EXOC2: variants seen among roughly 807,000 people sequenced by gnomAD.
The protein encoded by EXOC2 is exocyst complex component 2.
A neutral mutation model predicts 131.8 loss-of-function variants in EXOC2; 70 were observed. The observed-to-expected ratio is 0.53, with a 90% CI of 0.44 to 0.65. The LOEUF is 0.65. EXOC2 is among the 30% of genes least tolerant of loss of function. The pLI is 0.00. For synonymous variants in EXOC2, 411 were observed against 398.4 expected (o/e 1.03, Z -0.38); for missense variants, 923 against 1,108.6 (o/e 0.83, Z 2.38).
chr6:653,029 A>G (rs1424339424), intron 1 of EXOC2, among the ~76,000 whole-genome samples: 1 of 152,200 alleles, frequency 6.6e-6, no homozygotes, highest in Non-Finnish European at 1.5e-5. Context: ...CTTTGATGAT[A>G]CTATTGTAAC....
chr6:672,576 G>C (rs1029718265), intron 1 of EXOC2, among the ~76,000 whole-genome samples: 2 of 152,234 alleles, frequency 1.3e-5, no homozygotes, highest in Non-Finnish European at 2.9e-5. Flanking sequence ...TCTGCACTAA[G>C]AAGTTGGGAT....
chr6:671,174 T>C (rs1434710462), intron 1 of EXOC2, among the ~76,000 whole-genome samples: 1 of 150,684 alleles, frequency 6.6e-6, no homozygotes, highest in Non-Finnish European at 1.5e-5. Context: ...CTGGCCAACA[T>C]GGCAAAATCC....
chr6:553,063 A>G (rs909128618), intron 21 of EXOC2, among the ~76,000 whole-genome samples: 4 of 152,090 alleles, frequency 2.6e-5, no homozygotes, highest in Admixed American at 6.6e-5. Context: ...GATTACAGGC[A>G]CCCGACACCA....
chr6:619,576 A>T (rs1383594626), intron 4 of EXOC2, 33 bp from the exon 5 acceptor site: 3 of 1,483,354 alleles, frequency 2.0e-6, no homozygotes, highest in East Asian at 2.3e-5. Flanking sequence ...ATATATTTCA[A>T]TGGTTATTAT....
chr6:643,609 TA>T (rs200066922), intron 1 of EXOC2, among the ~76,000 whole-genome samples: 1,727 of 151,268 alleles, frequency 0.011, 32 homozygotes, highest in African/African-American at 0.04. Flanking sequence ...TTCCACCTTT[TA>T]AAAAAAAAAC....
At chr6:673,689 C>T (rs1763980265) in intron 1 of EXOC2, among the ~76,000 whole-genome samples, 1 of 152,162 alleles carries the variant, frequency 6.6e-6, no homozygotes, top group African/African-American at 2.4e-5. Flanking sequence ...CACTTCAAAA[C>T]TCAAAAAATA....
chr6:599,370 T>C (rs1053252506), intron 7 of EXOC2, 145 bp from the exon 8 acceptor site: 5 of 740,068 alleles, frequency 6.8e-6, no homozygotes, highest in Non-Finnish European at 8.0e-6. Context: ...GGGGATCTTT[T>C]ATGGTTTGCT....
intron 1 of EXOC2, among the ~76,000 whole-genome samples, chr6:662,438 A>G (rs1390691048): frequency 2.0e-5 from 3 of 152,240 alleles, no homozygotes; most frequent in African/African-American, 7.2e-5. Flanking sequence ...AAGAAAATTG[A>G]AATTATATCA....
intron 6 of EXOC2, among the ~76,000 whole-genome samples, chr6:613,281 G>T (rs1760807261): frequency 6.6e-6 from 1 of 152,092 alleles, no homozygotes; most frequent in Non-Finnish European, 1.5e-5. Flanking sequence ...AATACCTGTG[G>T]GGACACACAG....
Position 569,703 on chromosome 6 carries a change from C to T in EXOC2, c.1443+2817G>A, listed in dbSNP as rs746561973. Among the ~76,000 whole-genome samples, 28 of 152,128 alleles carry T rather than the reference C, an allele frequency of 1.8e-4. 1 individual carries two copies. The highest frequency in any genetic ancestry group is 3.2e-3 in the Middle Eastern group (1 of 316). On this transcript the variant is annotated intron_variant, in intron 13 of 27. Transcript: ENST00000230449. Reference sequence around the variant, plus strand: ...GAGGGCACACAGTTTCAAAGCATGCCCAAATCTGCAGAGCAAATTACACGT... The same window carrying T: ...GAGGGCACACAGTTTCAAAGCATGCTCAAATCTGCAGAGCAAATTACACGT...
chr6:608,738 T>C (rs1760560234), intron 7 of EXOC2, among the ~76,000 whole-genome samples: 1 of 152,236 alleles, frequency 6.6e-6, no homozygotes, highest in Non-Finnish European at 1.5e-5. Context: ...AAGGATCTCC[T>C]TCTCTGATAC....
chr6:665,944 TAA>T (rs141761410), intron 1 of EXOC2, among the ~76,000 whole-genome samples: 6,014 of 152,088 alleles, frequency 0.04, 185 homozygotes, highest in African/African-American at 0.084. Context: ...AAAATAAAAA[TAA>T]GAGTCAAAAA....
At chr6:551,094 T>C (rs1315415791) in intron 21 of EXOC2, among the ~76,000 whole-genome samples, 1 of 152,228 alleles carries the variant, frequency 6.6e-6, no homozygotes, top group Non-Finnish European at 1.5e-5. Flanking sequence ...CGTGGATGAC[T>C]AGTCAAAAGC....
intron 25 of EXOC2, among the ~76,000 whole-genome samples, chr6:491,808 T>G (rs1309424691): frequency 6.6e-6 from 1 of 152,246 alleles, no homozygotes; most frequent in African/African-American, 2.4e-5. Context: ...TCAGACTTTC[T>G]GACTTCAGCC....
At chr6:685,512 C>T (rs1293464574) in intron 1 of EXOC2, among the ~76,000 whole-genome samples, 1 of 152,138 alleles carries the variant, frequency 6.6e-6, no homozygotes, top group Non-Finnish European at 1.5e-5. Context: ...TGATTTTCTT[C>T]CCCAGTTCTC....
chr6:628,465 A>C (rs1041782272), intron 4 of EXOC2, among the ~76,000 whole-genome samples: 1 of 152,182 alleles, frequency 6.6e-6, no homozygotes, highest in African/African-American at 2.4e-5. Flanking sequence ...AAAGGCTGAG[A>C]AGGTGTGGGG....
At chr6:560,788 A>G (rs1190909564) in intron 17 of EXOC2, among the ~76,000 whole-genome samples, 1 of 151,698 alleles carries the variant, frequency 6.6e-6, no homozygotes, top group Non-Finnish European at 1.5e-5. Context: ...GCTCACTGCA[A>G]CCTCTGCCTC....
At chr6:557,244 G>A (rs1010629992) in intron 17 of EXOC2, among the ~76,000 whole-genome samples, 29 of 152,260 alleles carry the variant, frequency 1.9e-4, no homozygotes, top group African/African-American at 6.7e-4. Context: ...CAGAAGACAC[G>A]ATCATGAAAG....
chr6:612,504 G>T (rs1760766092), intron 6 of EXOC2, among the ~76,000 whole-genome samples: 1 of 152,076 alleles, frequency 6.6e-6, no homozygotes, highest in African/African-American at 2.4e-5. Flanking sequence ...ATTTAAACTG[G>T]TTACGTAATC....
Sources: gnomAD v4.1 joint callset for allele counts (sites outside exome capture counted in the v4.1 genomes callset) on GRCh38, gnomAD v4.1.1 for gene constraint, MANE v1.5 for transcripts, NCBI Gene and HGNC (gene_info 2026-07-23, HGNC 2026-07-21) for gene names.